FERRY3: variants seen among roughly 807,000 people sequenced by gnomAD.
FERRY3 encodes FERRY endosomal RAB5 effector complex subunit 3, also known as protein C12orf4.
At chr12:4,533,356 G>A in the FERRY3 span, among the ~76,000 whole-genome samples, 1 of 151,970 alleles carries the variant, frequency 6.6e-6, no homozygotes, top group Non-Finnish European at 1.5e-5. Flanking sequence ...CTTTATATTC[G>A]AACTTCTTCA....
chr12:4,496,373 T>C, the FERRY3 span, among the ~76,000 whole-genome samples: 321 of 152,324 alleles, frequency 2.1e-3, no homozygotes, highest in Admixed American at 3.7e-3. Context: ...ATATAATAGA[T>C]GGTATAGACA....
At chr12:4,530,852 C>T in the FERRY3 span, among the ~76,000 whole-genome samples, 2 of 152,096 alleles carry the variant, frequency 1.3e-5, no homozygotes, top group Non-Finnish European at 1.5e-5. Context: ...CTCCTCAACT[C>T]ATCGGAGGAA....
the FERRY3 span, among the ~76,000 whole-genome samples, chr12:4,497,774 CAATT>C: frequency 6.6e-6 from 1 of 152,252 alleles, no homozygotes; most frequent in South Asian, 2.1e-4. Context: ...TTTTAAACTG[CAATT>C]AATTTCTATA....
At chr12:4,500,288 G>A in the FERRY3 span, 24 of 1,613,942 alleles carry the variant, frequency 1.5e-5, no homozygotes, top group Non-Finnish European at 2.0e-5. Flanking sequence ...CACAGAGATG[G>A]AAAGCAACAT....
chr12:4,519,980 C>T, the FERRY3 span, among the ~76,000 whole-genome samples: 1 of 152,210 alleles, frequency 6.6e-6, no homozygotes, highest in East Asian at 1.9e-4. This position sits in a 1 kb window ranked among gnomAD's most constrained non-coding sequence, Gnocchi z 4.3. Flanking sequence ...GATTTGTGAT[C>T]ATAAGGCAAC....
At chr12:4,502,561 G>A in the FERRY3 span, 3 of 352,418 alleles carry the variant, frequency 8.5e-6, no homozygotes, top group Non-Finnish European at 1.6e-5. The surrounding 1 kb of genome is among the most constrained non-coding windows in gnomAD (Gnocchi z 4.2). Context: ...TGGAAATTCT[G>A]ATAAGTCCTT....
At chr12:4,503,155 G>C in the FERRY3 span, among the ~76,000 whole-genome samples, 5 of 152,168 alleles carry the variant, frequency 3.3e-5, no homozygotes, top group Non-Finnish European at 7.3e-5. Flanking sequence ...CCCCAAATTG[G>C]CACTGCTTTC....
the FERRY3 span, chr12:4,534,329 G>A: frequency 7.0e-6 from 11 of 1,567,944 alleles, no homozygotes; most frequent in Admixed American, 1.9e-5. Context: ...AAACACCATC[G>A]TCAGCAAAAT....
At chr12:4,495,927 G>A in the FERRY3 span, among the ~76,000 whole-genome samples, 1 of 152,176 alleles carries the variant, frequency 6.6e-6, no homozygotes, top group African/African-American at 2.4e-5. Flanking sequence ...GCAAATCTTT[G>A]AAGTGACGGA....
the FERRY3 span, among the ~76,000 whole-genome samples, chr12:4,521,997 A>G: frequency 6.6e-6 from 1 of 152,340 alleles, no homozygotes; most frequent in Non-Finnish European, 1.5e-5. Flanking sequence ...TACACGTCCT[A>G]TACATTTGTC....
At chr12:4,525,918 C>T in the FERRY3 span, among the ~76,000 whole-genome samples, 6 of 152,174 alleles carry the variant, frequency 3.9e-5, no homozygotes, top group African/African-American at 1.4e-4. Flanking sequence ...CTGCAAATTT[C>T]CTCAAAGAAG....
chr12:4,533,550 C>A, the FERRY3 span, among the ~76,000 whole-genome samples: 1 of 152,142 alleles, frequency 6.6e-6, no homozygotes. Context: ...GGCATTCTCT[C>A]ATAGTTTAAT....
the FERRY3 span, among the ~76,000 whole-genome samples, chr12:4,513,482 G>A: frequency 6.7e-6 from 1 of 149,424 alleles, no homozygotes; most frequent in African/African-American, 2.5e-5. Flanking sequence ...CACACTACCT[G>A]ACTTCAAACT....
chr12:4,497,183 C>T, the FERRY3 span, among the ~76,000 whole-genome samples: 1 of 152,098 alleles, frequency 6.6e-6, no homozygotes, highest in Non-Finnish European at 1.5e-5. Context: ...TCTAGTCACA[C>T]AATAATATAT....
the FERRY3 span, among the ~76,000 whole-genome samples, chr12:4,490,130 T>C: frequency 1.1e-4 from 16 of 152,122 alleles, no homozygotes; most frequent in Admixed American, 1.0e-3. Context: ...GTTTGAGTAA[T>C]AGAAAAACCT....
the FERRY3 span, among the ~76,000 whole-genome samples, chr12:4,513,475 A>G: frequency 6.7e-6 from 1 of 149,504 alleles, no homozygotes. Flanking sequence ...GAGGCATCAC[A>G]CTACCTGACT....
At chr12:4,500,367 T>G in the FERRY3 span, 23 of 1,560,048 alleles carry the variant, frequency 1.5e-5, no homozygotes, top group African/African-American at 2.7e-5. Context: ...CAATCATGAT[T>G]ACCAAATGCC....
the FERRY3 span, among the ~76,000 whole-genome samples, chr12:4,517,567 TATTTTATATATTCTAC>T: frequency 4.6e-5 from 7 of 150,952 alleles, no homozygotes; most frequent in Non-Finnish European, 8.9e-5. Flanking sequence ...ACGTTTCATA[TATTTTATATATTCTAC>T]ATTTTATATA....
the FERRY3 span, among the ~76,000 whole-genome samples, chr12:4,507,329 C>T: frequency 1.3e-5 from 2 of 151,932 alleles, no homozygotes; most frequent in Admixed American, 6.6e-5. Flanking sequence ...GAGGGTATAC[C>T]GAGATTTTCT....
Sources: allele counts gnomAD v4.1 joint callset (sites outside exome capture counted in the v4.1 genomes callset), GRCh38; gene constraint gnomAD v4.1.1; non-coding constraint Gnocchi (gnomAD v3.1); transcripts MANE v1.5; gene names NCBI Gene and HGNC (gene_info 2026-07-23, HGNC 2026-07-21).